Variants in INSL6 observed in about 807,000 individuals in gnomAD.
INSL6 encodes insulin like 6.
Under a neutral mutation model 9.4 loss-of-function variants are expected in INSL6, and 16 were observed. The ratio of observed to expected loss-of-function variants is 1.70; its 90% CI spans 1.15 to 2.59. The LOEUF (loss-of-function observed/expected upper bound fraction) is 2.59, where lower values mean the gene tolerates loss of function less well. Among genes scored for constraint, INSL6 ranks in the 30% most tolerant of loss-of-function variants. The probability of loss-of-function intolerance (pLI) is 0.00; values close to 1 mark genes in which losing one functional copy is unlikely to be tolerated. For synonymous variants in INSL6, 154 were observed against 96.9 expected, an observed-to-expected ratio of 1.59 and a Z score of -3.46; for missense variants, 391 against 257.3, an observed-to-expected ratio of 1.52 and a Z score of -3.56.
the INSL6 span, among the ~76,000 whole-genome samples, chr9:5,007,789 T>G: frequency 6.6e-6 from 1 of 151,870 alleles, no homozygotes; most frequent in Admixed American, 6.6e-5. Flanking sequence ...GTGTGATATC[T>G]GAGCCTTGGC....
the INSL6 span, among the ~76,000 whole-genome samples, chr9:5,104,123 G>T: frequency 6.6e-6 from 1 of 152,130 alleles, no homozygotes; most frequent in African/African-American, 2.4e-5. Flanking sequence ...ATGAATCCAG[G>T]AGCTGGTTTT....
At chr9:5,115,788 A>T in the INSL6 span, among the ~76,000 whole-genome samples, 1 of 152,192 alleles carries the variant, frequency 6.6e-6, no homozygotes. Flanking sequence ...AGAAACCATA[A>T]TTCTCAGCAA....
chr9:5,039,572 C>T, the INSL6 span, among the ~76,000 whole-genome samples: 1 of 152,056 alleles, frequency 6.6e-6, no homozygotes, highest in Non-Finnish European at 1.5e-5. Context: ...ATTACATGAT[C>T]TTGCATATTA....
the INSL6 span, among the ~76,000 whole-genome samples, chr9:5,074,241 A>C: frequency 6.6e-6 from 1 of 152,158 alleles, no homozygotes; most frequent in African/African-American, 2.4e-5. Flanking sequence ...GTTCACAGAA[A>C]CTACTAAAAG....
chr9:5,160,838 C>T (rs1824911209), downstream of INSL6, among the ~76,000 whole-genome samples: 1 of 152,018 alleles, frequency 6.6e-6, no homozygotes, highest in Admixed American at 6.6e-5. Context: ...GGAAGACCTA[C>T]AAGAAAAGGA....
intron 1 of INSL6, among the ~76,000 whole-genome samples, chr9:5,177,080 G>A (rs544658050): frequency 2.6e-5 from 4 of 152,116 alleles, no homozygotes; most frequent in Non-Finnish European, 5.9e-5. Context: ...GGGGTCGGGG[G>A]GAGTTGGGTG....
At chr9:5,106,702 A>G in the INSL6 span, among the ~76,000 whole-genome samples, 1 of 152,192 alleles carries the variant, frequency 6.6e-6, no homozygotes, top group African/African-American at 2.4e-5. Context: ...AAATATCCCA[A>G]GGAATACTAT....
the INSL6 span, among the ~76,000 whole-genome samples, chr9:5,023,485 T>G: frequency 6.6e-6 from 1 of 152,190 alleles, no homozygotes; most frequent in Non-Finnish European, 1.5e-5. Flanking sequence ...AGGAAATGCT[T>G]TTGTGCTGTC....
chr9:5,167,813 G>A (rs368698556), intron 1 of INSL6, among the ~76,000 whole-genome samples: 3 of 152,168 alleles, frequency 2.0e-5, no homozygotes, highest in Non-Finnish European at 4.4e-5. Flanking sequence ...CCCAACAGGA[G>A]TGTTCTGCTG....
the INSL6 span, chr9:5,094,591 C>G: frequency 6.6e-6 from 1 of 152,204 alleles, no homozygotes; most frequent in African/African-American, 2.4e-5. Context: ...TTACTCTGAC[C>G]GCTCCTACCA....
the INSL6 span, among the ~76,000 whole-genome samples, chr9:5,047,763 T>C: frequency 2.0e-5 from 3 of 152,100 alleles, no homozygotes; most frequent in Non-Finnish European, 4.4e-5. Flanking sequence ...GCCTGGCTAA[T>C]TTTTTTAGTT....
At chr9:5,086,200 C>T in the INSL6 span, 2 of 574,836 alleles carry the variant, frequency 3.5e-6, no homozygotes, top group Non-Finnish European at 4.5e-6. Context: ...CGCGCCGCCC[C>T]CGCCACCAGC....
the INSL6 span, chr9:5,090,426 T>C: frequency 6.7e-7 from 1 of 1,502,674 alleles, no homozygotes; most frequent in Admixed American, 2.1e-5. Context: ...AAAACATTAT[T>C]TCCACCTTTA....
chr9:5,046,123 A>T, the INSL6 span, among the ~76,000 whole-genome samples: 6 of 152,174 alleles, frequency 3.9e-5, no homozygotes, highest in Non-Finnish European at 7.4e-5. Flanking sequence ...CTTCTCTAAC[A>T]ACCAGTGATC....
At chr9:5,168,127 A>C (rs1444298482) in intron 1 of INSL6, among the ~76,000 whole-genome samples, 2 of 152,220 alleles carry the variant, frequency 1.3e-5, no homozygotes, top group African/African-American at 4.8e-5. Context: ...AGAAATAATC[A>C]GTGCAAAAAC....
At chr9:5,087,549 G>C in the INSL6 span, among the ~76,000 whole-genome samples, 11 of 152,050 alleles carry the variant, frequency 7.2e-5, no homozygotes, top group South Asian at 4.1e-4. Context: ...TCTTTTCGCT[G>C]TATTTTTCTT....
chr9:5,067,916 G>C, the INSL6 span, among the ~76,000 whole-genome samples: 1 of 152,106 alleles, frequency 6.6e-6, no homozygotes, highest in African/African-American at 2.4e-5. Context: ...CACTTTAGGA[G>C]GCCAAGGCGG....
chr9:5,014,694 G>C, the INSL6 span, among the ~76,000 whole-genome samples: 1 of 152,144 alleles, frequency 6.6e-6, no homozygotes, highest in Non-Finnish European at 1.5e-5. Flanking sequence ...TTGTGCATTT[G>C]ATTGTATTTA....
At chr9:5,107,724 C>A in the INSL6 span, among the ~76,000 whole-genome samples, 1 of 152,088 alleles carries the variant, frequency 6.6e-6, no homozygotes, top group Admixed American at 6.5e-5. Context: ...AATATCATCC[C>A]TATGTGCCTA....
Sources: allele counts gnomAD v4.1 joint callset (sites outside exome capture counted in the v4.1 genomes callset), GRCh38; gene constraint gnomAD v4.1.1; transcripts MANE v1.5; gene names NCBI Gene and HGNC (gene_info 2026-07-23, HGNC 2026-07-21).